The following TRIM67 variants were observed in gnomAD, a reference collection of about 807,000 sequenced individuals.
TRIM67 encodes tripartite motif containing 67, also known as tripartite motif-containing protein 67.
Under a neutral mutation model 71.0 loss-of-function variants are expected in TRIM67, and 39 were observed. The observed-to-expected ratio is 0.55, with a 90% CI of 0.43 to 0.72. TRIM67 has a LOEUF of 0.72. Among genes scored for constraint, TRIM67 ranks in the 30% least tolerant of loss-of-function variants. The pLI, the probability that TRIM67 is intolerant of heterozygous loss-of-function variation, is 0.00. For synonymous variants in TRIM67, 481 were observed against 473.9 expected, an observed-to-expected ratio of 1.01 and a Z score of -0.19; for missense variants, 973 against 1,079.2, an observed-to-expected ratio of 0.90 and a Z score of 1.38.
Position 231,215,886 on chromosome 1 carries a change from C to G in TRIM67, c.*446C>G, listed in dbSNP as rs563760685. 1.6e-5 allele frequency: 16 copies of G among 995,856 alleles called. No homozygotes were observed. The highest frequency in any genetic ancestry group is 4.7e-5 in the South Asian group (1 of 21,390). The allele number at this position is 995,856 out of a possible 1,614,324, so 61.7% of individuals were successfully genotyped here. ...CCGGGTGTTGGCCCTCCGTGGGGAC[C>G]TTGCCTCCTCAGAGTCCCGAGATTG... On this transcript the variant is annotated 3_prime_UTR_variant, in exon 10 of 10. Transcript: ENST00000366653.
chr1:231,169,766 C>T (rs77790507), intron 1 of TRIM67, among the ~76,000 whole-genome samples: 2,266 of 152,198 alleles, frequency 0.015, 21 homozygotes, highest in Non-Finnish European at 0.025. Flanking sequence ...CTCCTATCTG[C>T]CCCAGACTGG....
In TRIM67 at chr1:231,209,215, C is replaced by T. The variant is rs1683797844; in HGVS notation, c.2088C>T (p.Arg696=). 2 of 1,583,608 alleles carry T rather than the reference C, an allele frequency of 1.3e-6. No individual in the cohort carries two copies. The highest frequency in any genetic ancestry group is 1.7e-5 in the Admixed American group (1 of 58,012). Residue 696 remains arginine (R), a synonymous_variant, in exon 8 of 10, where the codon CGC becomes CGT. Transcript: ENST00000366653. The surrounding 1 kb of genome is among the most constrained non-coding windows in gnomAD (Gnocchi z 4.1). ...GGGCCATGTATGTGGACAACAACCG[C>T]AGCTGGTTCATGCACTGCAACTCCC... ...KAWAMYVDNN[R]SWFMHCNSHT... is the part of the protein sequence containing the mutation.
At chr1:231,197,296 C>T in intron 1 of TRIM67, 75 bp from the exon 2 acceptor site, 1 of 1,299,094 alleles carries the variant, frequency 7.7e-7, no homozygotes, top group Non-Finnish European at 1.1e-6. Context: ...TAAACATAAG[C>T]TTTTATGATG....
At chr1:231,186,815 C>T (rs983555468) in intron 1 of TRIM67, among the ~76,000 whole-genome samples, 3 of 152,190 alleles carry the variant, frequency 2.0e-5, no homozygotes, top group Non-Finnish European at 4.4e-5. Flanking sequence ...TGAGCAGTAT[C>T]TCCAACCATT....
chr1:231,168,899 G>C (rs867105062), intron 1 of TRIM67, among the ~76,000 whole-genome samples: 1 of 152,178 alleles, frequency 6.6e-6, no homozygotes, highest in South Asian at 2.1e-4. Context: ...TTTCCAGGGG[G>C]CCTGAAGTCT....
chr1:231,183,892 C>T (rs1682977757), intron 1 of TRIM67, among the ~76,000 whole-genome samples: 1 of 152,110 alleles, frequency 6.6e-6, no homozygotes, highest in African/African-American at 2.4e-5. Context: ...GGGATTCAAA[C>T]CCAGGCATTC....
intron 1 of TRIM67, among the ~76,000 whole-genome samples, chr1:231,172,571 A>G (rs1168922091): frequency 6.6e-6 from 1 of 152,174 alleles, no homozygotes; most frequent in Non-Finnish European, 1.5e-5. Context: ...AGGAGTGTGG[A>G]TGAGGCCTCA....
chr1:231,162,950 C>A lies in TRIM67; in HGVS notation c.-20C>A, dbSNP rs778217759. On this transcript the variant is annotated 5_prime_UTR_variant, in exon 1 of 10. Coordinates refer to ENST00000366653, the MANE Select transcript of TRIM67 (RefSeq NM_001004342.5). ...GCCATTCATCCCCAGCGCAGAGCAG[C>A]GCTGGCAGCCGGCGCCGCGATGGAG... The A allele has an allele frequency of 1.2e-6, 2 of 1,606,616 alleles. No individual in the cohort carries two copies. The highest frequency in any genetic ancestry group is 8.5e-7 in the Non-Finnish European group (1 of 1,177,654).
At position 231,177,015 on chromosome 1, in the gene TRIM67, C is replaced by T. The variant is rs111818330; in HGVS notation, c.1044+13002C>T. Among the ~76,000 whole-genome samples the T allele has an allele frequency of 1.4e-3, 211 of 149,794 alleles. 3 individuals are homozygous for T. Among genetic ancestry groups the T allele is most frequent in the African/African-American group, 4.9e-3 (198 of 40,432 alleles). ...AACAAAAGAAGTGAGGAAACCGTAA[C>T]ATAAGAGATTCCCAGGAGGAAAAGG... On this transcript the variant is annotated intron_variant, in intron 1 of 9. Coordinates refer to ENST00000366653, the MANE Select transcript of TRIM67 (RefSeq NM_001004342.5).
chr1:231,185,329 T>A, intron 1 of TRIM67: 1 of 1,059,456 alleles, frequency 9.4e-7, no homozygotes, highest in Non-Finnish European at 1.3e-6. Flanking sequence ...GGAAGGAAAG[T>A]CAGAAGGGAG....
At position 231,217,503 on chromosome 1, in the gene TRIM67, T is replaced by A. The variant is rs1207306201; in HGVS notation, c.*2063T>A. The A allele has an allele frequency of 1.0e-6, 1 of 1,004,486 alleles. No homozygotes were observed. Among genetic ancestry groups the A allele is most frequent in the African/African-American group, 1.7e-5 (1 of 57,954 alleles). 62.2% of individuals were successfully genotyped at this position (1,004,486 alleles called of 1,614,324 possible). A position where few individuals can be genotyped will look rare whatever the true frequency, so the allele number is the denominator to read the frequency against. On this transcript the variant is annotated 3_prime_UTR_variant, in exon 10 of 10. Coordinates refer to ENST00000366653, the MANE Select transcript of TRIM67 (RefSeq NM_001004342.5). ...GCCTTTGCTTGGAGCATGGAGACGA[T>A]CCCTAAAGATTGAGGATGAAGAGGA...
At chr1:231,165,221 A>G (rs911056245) in intron 1 of TRIM67, among the ~76,000 whole-genome samples, 5 of 152,298 alleles carry the variant, frequency 3.3e-5, no homozygotes, top group African/African-American at 1.2e-4. Context: ...ACTCCCCAAA[A>G]CAATTATCCA....
chr1:231,190,389 C>T lies in TRIM67; in HGVS notation c.1045-6982C>T, dbSNP rs1683199619. 2.6e-5 allele frequency among the ~76,000 whole-genome samples: 4 copies of T among 152,310 alleles called. No individual in the cohort carries two copies. The South Asian group carries it at 8.3e-4, about 32-fold the overall frequency. Reference sequence around the variant, plus strand: ...TTAGCGACACAAACACAGGGAGCTGCAGGGACAGGAGCTGATCTTCTGAGC... The same window carrying T: ...TTAGCGACACAAACACAGGGAGCTGTAGGGACAGGAGCTGATCTTCTGAGC... On this transcript the variant is annotated intron_variant, in intron 1 of 9. Coordinates refer to ENST00000366653, the MANE Select transcript of TRIM67 (RefSeq NM_001004342.5).
chr1:231,213,332 C>T (rs1683922989), intron 8 of TRIM67, among the ~76,000 whole-genome samples: 1 of 152,282 alleles, frequency 6.6e-6, no homozygotes, highest in Middle Eastern at 3.4e-3. Flanking sequence ...GGCCTGTTAA[C>T]AAGGTGTGTC....
chr1:231,199,225 G>T, intron 3 of TRIM67, 56 bp downstream of exon 3: 1 of 1,560,838 alleles, frequency 6.4e-7, no homozygotes, highest in Non-Finnish European at 8.8e-7. Context: ...TGCACCCAGC[G>T]TGGGGTGGAG....
chr1:231,203,985 G>A lies in TRIM67; in HGVS notation c.1653G>A (p.Leu551=), dbSNP rs770076160. The change falls in exon 6 of 10, where the codon CTG becomes CTA. Residue 551 remains leucine, a synonymous_variant. Transcript: ENST00000366653. The part of the protein sequence containing the change: ...HSPVDGYILE[L]DDGAGGQFRE... ...CCGTGGACGGCTACATCCTGGAGCTGGACGACGGTGCCGGGGGACAGTTCC... is the reference window on the plus strand; with the variant it reads ...CCGTGGACGGCTACATCCTGGAGCTAGACGACGGTGCCGGGGGACAGTTCC... The A allele has an allele frequency of 8.7e-6, 14 of 1,613,982 alleles. No homozygotes were observed. The highest frequency in any genetic ancestry group is 1.2e-5 in the Non-Finnish European group (14 of 1,179,884).
At chr1:231,168,279 A>G (rs1424324510) in intron 1 of TRIM67, among the ~76,000 whole-genome samples, 1 of 152,230 alleles carries the variant, frequency 6.6e-6, no homozygotes, top group African/African-American at 2.4e-5. Context: ...TGACCAACGT[A>G]TATCATTTCT....
chr1:231,200,586 T>A (rs1017765301), intron 4 of TRIM67, among the ~76,000 whole-genome samples: 1 of 152,156 alleles, frequency 6.6e-6, no homozygotes, highest in African/African-American at 2.4e-5. Flanking sequence ...AGAATCCACA[T>A]GGCCCATTAT....
chr1:231,167,698 T>G (rs1313638310), intron 1 of TRIM67, among the ~76,000 whole-genome samples: 4 of 152,026 alleles, frequency 2.6e-5, no homozygotes, highest in Non-Finnish European at 5.9e-5. Context: ...TAAGTGATCT[T>G]CCTGCCTTGG....
Sources: allele counts gnomAD v4.1 joint callset (sites outside exome capture counted in the v4.1 genomes callset), GRCh38; gene constraint gnomAD v4.1.1; non-coding constraint Gnocchi (gnomAD v3.1); transcripts MANE v1.5; gene names NCBI Gene and HGNC (gene_info 2026-07-23, HGNC 2026-07-21).